MAML2: variants seen among roughly 807,000 people sequenced by gnomAD.
The protein encoded by MAML2 is mastermind like transcriptional coactivator 2.
In MAML2, 22 loss-of-function variants were observed where a neutral mutation model predicts 96.1. The observed-to-expected ratio is 0.23, with a 90% CI of 0.16 to 0.33. The LOEUF (loss-of-function observed/expected upper bound fraction) is 0.33. Among genes scored for constraint, MAML2 ranks in the 10% least tolerant of loss-of-function variants. MAML2 has a pLI of 1.00. For missense variants in MAML2, 1,367 were observed against 1,392.4 expected (o/e 0.98, Z 0.29); for synonymous variants, 561 against 521.3 (o/e 1.08, Z -1.04).
chr11:96,248,235 C>T (rs888791522), intron 1 of MAML2, among the ~76,000 whole-genome samples: 1 of 151,336 alleles, frequency 6.6e-6, no homozygotes. Context: ...ACCTCAGCCT[C>T]CCGGGTAGCT....
intron 1 of MAML2, among the ~76,000 whole-genome samples, chr11:96,096,145 T>A (rs1312679334): frequency 1.3e-5 from 2 of 152,192 alleles, no homozygotes; most frequent in African/African-American, 4.8e-5. Context: ...TTTTTCCGAA[T>A]TTGGGTTATC....
At chr11:96,097,766 C>T (rs958771355) in intron 1 of MAML2, among the ~76,000 whole-genome samples, 1 of 152,182 alleles carries the variant, frequency 6.6e-6, no homozygotes, top group Non-Finnish European at 1.5e-5. Context: ...GAAAGCCTCT[C>T]ACCTCTTAAC....
At chr11:96,032,511 C>T (rs975091295) in intron 2 of MAML2, among the ~76,000 whole-genome samples, 1 of 147,640 alleles carries the variant, frequency 6.8e-6, no homozygotes, top group Non-Finnish European at 1.5e-5. Context: ...TGCTTGAACC[C>T]TGGAGGCAGA....
At chr11:96,061,855 T>G (rs1280265816) in intron 2 of MAML2, among the ~76,000 whole-genome samples, 1 of 152,160 alleles carries the variant, frequency 6.6e-6, no homozygotes, top group Admixed American at 6.5e-5. Context: ...AAATTTATCC[T>G]GCTTACTCTT....
chr11:95,998,046 T>C (rs992738833), intron 2 of MAML2, among the ~76,000 whole-genome samples: 13 of 152,150 alleles, frequency 8.5e-5, no homozygotes, highest in African/African-American at 3.1e-4. Context: ...TCTATACAGA[T>C]ACTAGACTCT....
intron 1 of MAML2, among the ~76,000 whole-genome samples, chr11:96,279,492 G>A (rs767426893): frequency 6.6e-6 from 1 of 152,118 alleles, no homozygotes; most frequent in Non-Finnish European, 1.5e-5. Flanking sequence ...AATTACAAGG[G>A]ACTATGCAGT....
intron 1 of MAML2, among the ~76,000 whole-genome samples, chr11:96,331,673 C>A (rs1303618648): frequency 6.6e-6 from 1 of 151,656 alleles, no homozygotes; most frequent in Non-Finnish European, 1.5e-5. Flanking sequence ...AAAAAATTAG[C>A]CGGGCGTGGT....
intron 2 of MAML2, among the ~76,000 whole-genome samples, chr11:96,083,035 TCTC>T (rs955380886): frequency 3.9e-5 from 6 of 152,094 alleles, no homozygotes; most frequent in Admixed American, 3.9e-4. Flanking sequence ...ATGGAATACA[TCTC>T]CTGGAGCAAG....
chr11:96,049,639 A>G (rs375354655), intron 2 of MAML2, among the ~76,000 whole-genome samples: 2 of 152,312 alleles, frequency 1.3e-5, no homozygotes, highest in East Asian at 3.9e-4. Context: ...GGTTTTTGCT[A>G]AGAAGTAAGG....
At chr11:96,207,703 G>A (rs182386002) in intron 1 of MAML2, among the ~76,000 whole-genome samples, 3 of 152,352 alleles carry the variant, frequency 2.0e-5, no homozygotes, top group Admixed American at 2.0e-4. Flanking sequence ...GTATATGCAT[G>A]GCTGTGAGTA....
At chr11:96,322,908 G>GCT (rs781039332) in intron 1 of MAML2, among the ~76,000 whole-genome samples, 1 of 152,106 alleles carries the variant, frequency 6.6e-6, no homozygotes, top group Non-Finnish European at 1.5e-5. Flanking sequence ...TAGTATTAGT[G>GCT]GAGTCTTCCC....
At chr11:96,002,672 A>T (rs200942981) in intron 2 of MAML2, among the ~76,000 whole-genome samples, 1 of 1,906 alleles carries the variant, frequency 5.2e-4, no homozygotes, top group South Asian at 0.019. Context: ...ATGATGAAGA[A>T]TAATGATGGG....
intron 1 of MAML2, among the ~76,000 whole-genome samples, chr11:96,165,244 A>C (rs1454835292): frequency 6.6e-6 from 1 of 152,198 alleles, no homozygotes; most frequent in Non-Finnish European, 1.5e-5. Flanking sequence ...TTTAGTGAGC[A>C]TCAGAATCAC....
intron 1 of MAML2, among the ~76,000 whole-genome samples, chr11:96,250,789 CAATT>C (rs1328560612): frequency 6.6e-6 from 1 of 152,176 alleles, no homozygotes; most frequent in Non-Finnish European, 1.5e-5. Context: ...ACTGGCAAAA[CAATT>C]AAATACGACT....
chr11:96,220,846 G>T (rs951424085), intron 1 of MAML2, among the ~76,000 whole-genome samples: 3 of 151,612 alleles, frequency 2.0e-5, no homozygotes, highest in African/African-American at 7.3e-5. Context: ...GAAAAAAAAA[G>T]CATCATCAAA....
rs1446677523 is a variant in MAML2, at chr11:96,280,388, G to C, written c.513+60995C>G. Among the ~76,000 whole-genome samples, 4 of 152,184 alleles carry C rather than the reference G, an allele frequency of 2.6e-5. No individual in the cohort carries two copies. The South Asian group carries it at 8.3e-4, about 32-fold the overall frequency. On this transcript the variant is annotated intron_variant, in intron 1 of 4. Transcript: ENST00000524717. ...CATGGTAATTTGTTTCCTGCTGGGT[G>C]AAAACGCAGGGATCTTGAAACTGTT...
intron 1 of MAML2, among the ~76,000 whole-genome samples, chr11:96,266,488 A>G (rs535161298): frequency 9.5e-4 from 144 of 151,806 alleles, no homozygotes; most frequent in African/African-American, 2.9e-3. Context: ...GGAGAATGAC[A>G]TGAACCCAGG....
At chr11:95,994,261 C>G (rs1353403073) in intron 2 of MAML2, among the ~76,000 whole-genome samples, 1 of 152,186 alleles carries the variant, frequency 6.6e-6, no homozygotes, top group Non-Finnish European at 1.5e-5. Context: ...AAAATAATTA[C>G]AGCCATCTCT....
chr11:96,258,800 A>G (rs1471789965), intron 1 of MAML2, among the ~76,000 whole-genome samples: 1 of 152,254 alleles, frequency 6.6e-6, no homozygotes, highest in Non-Finnish European at 1.5e-5. Flanking sequence ...GGAGTCAGCC[A>G]GTAAGACTAT....
Sources: gnomAD v4.1 joint callset for allele counts (sites outside exome capture counted in the v4.1 genomes callset) on GRCh38, gnomAD v4.1.1 for gene constraint, MANE v1.5 for transcripts, NCBI Gene and HGNC (gene_info 2026-07-23, HGNC 2026-07-21) for gene names.